Variants in KIAA1217 observed in about 807,000 individuals in gnomAD.
KIAA1217 encodes sickle tail protein homolog.
A neutral mutation model predicts 163.9 loss-of-function variants in KIAA1217; 88 were observed. The ratio of observed to expected loss-of-function variants is 0.54; its 90% CI spans 0.45 to 0.64. The LOEUF is 0.64. KIAA1217 is among the 30% of genes least tolerant of loss of function. The probability of loss-of-function intolerance (pLI) is 0.00; values close to 1 mark genes in which losing one functional copy is unlikely to be tolerated. For missense variants in KIAA1217, 2,372 were observed against 2,475.0 expected (o/e 0.96, Z 0.88); for synonymous variants, 903 against 923.1 (o/e 0.98, Z 0.39).
At chr10:23,845,209 G>T (rs1240318399) in intron 1 of KIAA1217, among the ~76,000 whole-genome samples, 2 of 152,030 alleles carry the variant, frequency 1.3e-5, no homozygotes, top group Non-Finnish European at 2.9e-5. Flanking sequence ...CATGTGCATG[G>T]TCTTTATAGT....
At chr10:24,242,063 G>T (rs7897225) in intron 2 of KIAA1217, among the ~76,000 whole-genome samples, 3 of 152,134 alleles carry the variant, frequency 2.0e-5, no homozygotes, top group East Asian at 1.9e-4. Flanking sequence ...ACTGGGAAAA[G>T]GTTGAGTTAC....
chr10:24,158,734 A>G (rs371500035), intron 2 of KIAA1217: 4 of 500,720 alleles, frequency 8.0e-6, no homozygotes, highest in African/African-American at 4.0e-5. Context: ...TTATCAGGTT[A>G]TTTCTGACAG....
At chr10:24,395,728 G>A (rs908789159) in intron 3 of KIAA1217, among the ~76,000 whole-genome samples, 10 of 152,024 alleles carry the variant, frequency 6.6e-5, no homozygotes, top group African/African-American at 2.2e-4. Context: ...GCTGGAGTTC[G>A]GTGGTGCAGT....
At chr10:24,337,366 T>C (rs1418408619) in intron 2 of KIAA1217, among the ~76,000 whole-genome samples, 1 of 152,162 alleles carries the variant, frequency 6.6e-6, no homozygotes, top group Non-Finnish European at 1.5e-5. Flanking sequence ...GTTAGATACA[T>C]ATCACACCCC....
intron 1 of KIAA1217, among the ~76,000 whole-genome samples, chr10:23,774,940 G>T (rs920469651): frequency 6.6e-6 from 1 of 152,094 alleles, no homozygotes; most frequent in Non-Finnish European, 1.5e-5. Flanking sequence ...TTCTATTCTT[G>T]CCTATACCCC....
intron 2 of KIAA1217, among the ~76,000 whole-genome samples, chr10:24,310,838 A>G (rs1179437245): frequency 6.6e-6 from 1 of 152,154 alleles, no homozygotes; most frequent in East Asian, 1.9e-4. Context: ...CTCTACAAAA[A>G]ATGCAACAAT....
chr10:24,276,168 C>T (rs542170782), intron 2 of KIAA1217, among the ~76,000 whole-genome samples: 1 of 152,166 alleles, frequency 6.6e-6, no homozygotes, highest in Non-Finnish European at 1.5e-5. Context: ...CATTTCATAT[C>T]ATTTTACGTG....
intron 2 of KIAA1217, among the ~76,000 whole-genome samples, chr10:24,365,542 A>C (rs1046970348): frequency 1.3e-5 from 2 of 152,120 alleles, no homozygotes; most frequent in African/African-American, 4.8e-5. Context: ...TGAAGCCTGT[A>C]AACTTCAGAG....
At chr10:24,451,897 T>C (rs1372196197) in intron 5 of KIAA1217, among the ~76,000 whole-genome samples, 1 of 152,194 alleles carries the variant, frequency 6.6e-6, no homozygotes, top group Non-Finnish European at 1.5e-5. Context: ...TTCTGTGTTC[T>C]TTGTGGGTGC....
At chr10:24,427,229 T>C (rs932306723) in intron 3 of KIAA1217, among the ~76,000 whole-genome samples, 4 of 138,168 alleles carry the variant, frequency 2.9e-5, no homozygotes, top group Non-Finnish European at 6.2e-5. Flanking sequence ...CCATCCAGCA[T>C]GTGGATCCAT....
At chr10:24,189,101 G>C in intron 2 of KIAA1217, among the ~76,000 whole-genome samples, 1 of 124,112 alleles carries the variant, frequency 8.1e-6, no homozygotes, top group Non-Finnish European at 1.7e-5. Flanking sequence ...GCGAGACTCT[G>C]TCTCAAAAAA....
chr10:23,847,404 G>A lies in KIAA1217; in HGVS notation c.-321+152170G>A, dbSNP rs189635249. Among the ~76,000 whole-genome samples, 5 of 152,210 alleles carry A rather than the reference G, an allele frequency of 3.3e-5. No individual in the cohort carries two copies. The East Asian group carries it at 9.7e-4, about 29-fold the overall frequency. On this transcript the variant is annotated intron_variant, in intron 1 of 18. Transcript: ENST00000376462. ...TATTAATTACTGCCTCAATTTCAGA[G>A]CCTGTTATTGGTCTATTCAGGGATT...
At chr10:24,365,282 G>T (rs2050619864) in intron 2 of KIAA1217, among the ~76,000 whole-genome samples, 1 of 152,014 alleles carries the variant, frequency 6.6e-6, no homozygotes, top group East Asian at 1.9e-4. Flanking sequence ...TGGGACTCCG[G>T]TCTCTTCCAT....
chr10:23,721,449 T>C (rs1406161789), intron 1 of KIAA1217, among the ~76,000 whole-genome samples: 1 of 152,204 alleles, frequency 6.6e-6, no homozygotes, highest in African/African-American at 2.4e-5. Context: ...AAGTCAGGGT[T>C]ACTGTTATAA....
intron 1 of KIAA1217, among the ~76,000 whole-genome samples, chr10:23,818,008 T>TATATATATATAC (rs1415893173): frequency 1.1e-5 from 1 of 87,264 alleles, no homozygotes; most frequent in Non-Finnish European, 2.1e-5. Context: ...TATATATATA[T>TATATATATATAC]ACACACATAT....
intron 1 of KIAA1217, among the ~76,000 whole-genome samples, chr10:23,814,755 T>C (rs1016161374): frequency 4.6e-5 from 7 of 152,192 alleles, no homozygotes; most frequent in African/African-American, 1.2e-4. Context: ...ATGACATTTT[T>C]CTGTTCTTGC....
chr10:23,829,703 C>T (rs1333211259), intron 1 of KIAA1217, among the ~76,000 whole-genome samples: 2 of 152,188 alleles, frequency 1.3e-5, no homozygotes, highest in African/African-American at 4.8e-5. Context: ...ATTATTTAAA[C>T]AATCCTCTAC....
At chr10:24,160,940 G>A (rs1425930583) in intron 2 of KIAA1217, among the ~76,000 whole-genome samples, 1 of 152,100 alleles carries the variant, frequency 6.6e-6, no homozygotes, top group Non-Finnish European at 1.5e-5. Flanking sequence ...TAATGACTAG[G>A]CCCCTACAAG....
chr10:23,768,584 C>A (rs192541856), intron 1 of KIAA1217, among the ~76,000 whole-genome samples: 2 of 152,140 alleles, frequency 1.3e-5, no homozygotes, highest in East Asian at 3.9e-4. Flanking sequence ...AAGGTATATT[C>A]GTGAACTTTT....
Sources: gnomAD v4.1 joint callset for allele counts (sites outside exome capture counted in the v4.1 genomes callset) on GRCh38, gnomAD v4.1.1 for gene constraint, MANE v1.5 for transcripts, NCBI Gene and HGNC (gene_info 2026-07-23, HGNC 2026-07-21) for gene names.